PUDP: variants seen among roughly 807,000 people sequenced by gnomAD.
PUDP encodes pseudouridine-5'-phosphatase.
A neutral mutation model predicts 9.4 loss-of-function variants in PUDP; 8 were observed. The ratio of observed to expected loss-of-function variants is 0.85; its 90% confidence interval spans 0.50 to 1.53. PUDP has a LOEUF of 1.53. PUDP is among the 40% of genes most tolerant of loss of function. The pLI is 0.00. For missense variants in PUDP, 188 were observed against 189.7 expected, an observed-to-expected ratio of 0.99 and a Z score of 0.05; for synonymous variants, 99 against 80.7, an observed-to-expected ratio of 1.23 and a Z score of -1.22.
intron 3 of PUDP, among the ~76,000 whole-genome samples, chrX:6,769,178 A>C (rs1053176956): frequency 2.7e-5 from 3 of 112,400 alleles, no homozygotes; most frequent in Non-Finnish European, 5.6e-5. Flanking sequence ...GTTGTCTGCC[A>C]AAGATAAGCC....
At chrX:6,900,334 G>GA (rs1353821421) in intron 3 of PUDP, among the ~76,000 whole-genome samples, 1 of 106,503 alleles carries the variant, frequency 9.4e-6, no homozygotes, top group Admixed American at 1.0e-4. Context: ...CTTGGGGGGG[G>GA]GGGCGCTGCT....
intron 1 of PUDP, among the ~76,000 whole-genome samples, chrX:7,123,247 C>T (rs767965002): frequency 8.9e-6 from 1 of 111,965 alleles, no homozygotes; most frequent in East Asian, 2.8e-4. Context: ...TGTTGATGGG[C>T]AAACAAGGTA....
chrX:6,855,305 T>C (rs1273958058), intron 3 of PUDP, among the ~76,000 whole-genome samples: 2 of 112,447 alleles, frequency 1.8e-5, no homozygotes, highest in Non-Finnish European at 3.8e-5. Context: ...AAATCCCATA[T>C]TTTAATTGAC....
At chrX:6,975,098 G>A (rs1366785602) in intron 3 of PUDP, among the ~76,000 whole-genome samples, 1 of 109,685 alleles carries the variant, frequency 9.1e-6, no homozygotes, top group Non-Finnish European at 1.9e-5. Flanking sequence ...GATTATTCTA[G>A]TTAGCAATTC....
chrX:6,988,337 C>T (rs535285511), intron 1 of PUDP, among the ~76,000 whole-genome samples: 1 of 111,529 alleles, frequency 9.0e-6, no homozygotes, highest in East Asian at 2.8e-4. Context: ...AACCAATGGT[C>T]AGGCTGCTTA....
chrX:6,812,173 G>T (rs1926154556), intron 3 of PUDP, among the ~76,000 whole-genome samples: 1 of 112,054 alleles, frequency 8.9e-6, no homozygotes, highest in African/African-American at 3.2e-5. Context: ...CAGTGAGAAA[G>T]GTGTGCACAG....
At chrX:6,716,497 G>A (rs756934509) in intron 1 of PUDP, among the ~76,000 whole-genome samples, 5 of 111,967 alleles carry the variant, frequency 4.5e-5, no homozygotes, top group East Asian at 5.6e-4. Flanking sequence ...TATGCATGTC[G>A]AAAGGAAAGT....
rs758396125 is a variant in PUDP at position 7,105,730 on chromosome X, G to A, written c.170C>T (p.Ala57Val). 25 of 1,201,638 alleles carry A rather than the reference G, an allele frequency of 2.1e-5. No individual in the cohort carries two copies. The highest frequency in any genetic ancestry group is 2.7e-5 in the Non-Finnish European group (24 of 887,072). The change falls in exon 2 of 4, where the codon GCG becomes GTG. Residue 57 changes from alanine to valine, a missense_variant. Transcript: ENST00000381077. ...CAAGACGTCTATTATAATCTGTGCC[G>A]CCTCTAATGCCTTCTTACCCATAAC... ...SLVMGKKALE[A>V]AQIIIDVLQL...
intron 3 of PUDP, among the ~76,000 whole-genome samples, chrX:6,887,969 C>T (rs906466435): frequency 2.7e-5 from 3 of 111,509 alleles, no homozygotes; most frequent in African/African-American, 9.8e-5. Context: ...CAGACAGTCT[C>T]GCCCAAACCA....
intron 1 of PUDP, among the ~76,000 whole-genome samples, chrX:6,982,039 C>CACACACACACACAT (rs976704936): frequency 9.5e-6 from 1 of 104,717 alleles, no homozygotes; most frequent in Non-Finnish European, 2.0e-5. Context: ...CACACACACA[C>CACACACACACACAT]ACACACACAC....
At chrX:6,809,464 T>C (rs1056768843) in intron 3 of PUDP, among the ~76,000 whole-genome samples, 4 of 107,945 alleles carry the variant, frequency 3.7e-5, no homozygotes, top group East Asian at 2.9e-4. Flanking sequence ...GACTAATTTA[T>C]TGATTTTTTT....
At position 7,057,824 on chromosome X, in the gene PUDP, C is replaced by T. The variant is rs774870167; in HGVS notation, c.511-7352G>A. The T allele has an allele frequency of 3.3e-5, 38 of 1,135,247 alleles. No individual in the cohort carries two copies. The African/African-American group carries it at 5.8e-4, about 17-fold the overall frequency. The allele number at this position is 1,135,247 out of a possible 1,213,427, so 93.6% of individuals were successfully genotyped here. A position where few individuals can be genotyped will look rare whatever the true frequency, so the allele number is the denominator to read the frequency against. The stretch of plus-strand genomic sequence containing the variant: ...GCAGACGAGGTCTATGGATGGAGCT[C>T]TAGGTACAGTTTGGGCAGGAAGGGA... On this transcript the variant is annotated intron_variant, in intron 3 of 3. Coordinates refer to ENST00000381077, the MANE Select transcript of PUDP (RefSeq NM_012080.5).
chrX:6,815,434 GTTAT>G (rs756363871), intron 3 of PUDP, among the ~76,000 whole-genome samples: 47 of 112,135 alleles, frequency 4.2e-4, no homozygotes, highest in Non-Finnish European at 7.3e-4. Flanking sequence ...AAATTAAAAG[GTTAT>G]TTAGACTGTT....
At chrX:6,797,305 C>T (rs971107055) in intron 3 of PUDP, among the ~76,000 whole-genome samples, 1 of 111,526 alleles carries the variant, frequency 9.0e-6, no homozygotes, top group Non-Finnish European at 1.9e-5. Flanking sequence ...CTCTAAAATG[C>T]CCCCCAACAG....
At chrX:6,759,160 G>A (rs773620922) in intron 3 of PUDP, among the ~76,000 whole-genome samples, 1 of 112,205 alleles carries the variant, frequency 8.9e-6, no homozygotes, top group South Asian at 3.7e-4. Flanking sequence ...CATTTCATGG[G>A]AGCCCAAAGA....
intron 3 of PUDP, among the ~76,000 whole-genome samples, chrX:6,781,436 C>T (rs1000850560): frequency 1.8e-5 from 2 of 111,477 alleles, no homozygotes; most frequent in Non-Finnish European, 3.8e-5. Context: ...GCAACTTCTC[C>T]AAAACACTTT....
At chrX:6,883,696 A>C (rs1419731524) in intron 3 of PUDP, among the ~76,000 whole-genome samples, 2 of 110,936 alleles carry the variant, frequency 1.8e-5, no homozygotes, top group Non-Finnish European at 3.8e-5. Context: ...CAAGTGAAAA[A>C]ATTATCTCAT....
At chrX:6,815,315 G>GA (rs1324976121) in intron 3 of PUDP, among the ~76,000 whole-genome samples, 4 of 110,791 alleles carry the variant, frequency 3.6e-5, no homozygotes, top group Admixed American at 9.7e-5. Flanking sequence ...GTAAACAAGG[G>GA]AAAAAAAGCA....
At chrX:7,084,470 T>C (rs1256352354) in intron 2 of PUDP, among the ~76,000 whole-genome samples, 3 of 111,606 alleles carry the variant, frequency 2.7e-5, no homozygotes, top group Non-Finnish European at 5.6e-5. Flanking sequence ...TTCAGATACA[T>C]AGTGGGAAGG....
Sources: allele counts gnomAD v4.1 joint callset (sites outside exome capture counted in the v4.1 genomes callset), GRCh38; gene constraint gnomAD v4.1.1; transcripts MANE v1.5; gene names NCBI Gene and HGNC (gene_info 2026-07-23, HGNC 2026-07-21).